Variants in PHLDA1 observed in about 807,000 individuals in gnomAD.
PHLDA1 encodes the protein pleckstrin homology-like domain family A member 1.
A neutral mutation model predicts 33.8 loss-of-function variants in PHLDA1; 28 were observed. The observed-to-expected ratio is 0.83, with a 90% CI of 0.61 to 1.14. PHLDA1 has a LOEUF of 1.14. PHLDA1 is among the 50% of genes most tolerant of loss of function. The probability of loss-of-function intolerance (pLI) is 0.00; values close to 1 mark genes in which losing one functional copy is unlikely to be tolerated. For synonymous variants in PHLDA1, 271 were observed against 243.6 expected (o/e 1.11, Z -1.05); for missense variants, 595 against 548.6 (o/e 1.08, Z -0.84).
exon 2 of PHLDA1, chr12:76,028,994 T>A (rs1344564892): frequency 6.6e-6 from 1 of 151,628 alleles, no homozygotes; most frequent in Non-Finnish European, 1.5e-5. Flanking sequence ...AAACAGTTGG[T>A]TTCTCTGATC....
At chr12:76,029,123 G>A (rs554140128) in exon 2 of PHLDA1, 6 of 152,344 alleles carry the variant, frequency 3.9e-5, no homozygotes, top group African/African-American at 1.2e-4. Context: ...AAAGGGATCA[G>A]AAAATGTGGT....
chr12:76,031,410 T>A lies in PHLDA1; in HGVS notation c.332A>T (p.Glu111Val). 1 of 1,577,314 alleles carries A rather than the reference T, an allele frequency of 6.3e-7. No individual in the cohort carries two copies. Among genetic ancestry groups the A allele is most frequent in the East Asian group, 2.3e-5 (1 of 43,352 alleles). Residue 111 changes from glutamate to valine, a missense_variant, in exon 1 of 2, where the codon GAG (glutamate) becomes GTG (valine). By Grantham distance (121) the Glu-to-Val change is moderately radical. Coordinates refer to ENST00000266671, the Ensembl canonical transcript of PHLDA1. The surrounding 1 kb of genome is among the most constrained non-coding windows in gnomAD (Gnocchi z 5.4). Reference sequence around the variant, plus strand: ...CAGCAGCAGCAGCCTCGCGCCGTCCTCGCCCCAGCGGCTCCCACGGCCGCC... The same window carrying A: ...CAGCAGCAGCAGCCTCGCGCCGTCCACGCCCCAGCGGCTCCCACGGCCGCC...
At chr12:76,027,989 T>TTA (rs906548799) in exon 2 of PHLDA1, 4 of 151,630 alleles carry the variant, frequency 2.6e-5, no homozygotes, top group African/African-American at 9.7e-5. Flanking sequence ...TTTTTTTTTT[T>TTA]AGTACAAGAA....
At position 76,031,515 on chromosome 12, in the gene PHLDA1, C is replaced by T. The variant is rs955091260; in HGVS notation, c.227G>A (p.Arg76Gln). Residue 76 changes from arginine to glutamine, a missense_variant, in exon 1 of 2, where the codon CGG becomes CAG. By Grantham distance (43) the Arg-to-Gln change is conservative. This residue lies in a region of PHLDA1 where 263 missense variants were observed against 232.3 expected (regional missense o/e 1.13). Transcript: ENST00000266671. The surrounding 1 kb of genome is among the most constrained non-coding windows in gnomAD (Gnocchi z 5.4). Reference sequence around the variant, plus strand: ...CTCTGGGTCCCGGCAGAGGGACAGCCGCGTCCTGATGCGCCACAAGGTCCC... The same window carrying T: ...CTCTGGGTCCCGGCAGAGGGACAGCTGCGTCCTGATGCGCCACAAGGTCCC... 6.6e-7 allele frequency: 1 copy of T among 1,522,376 alleles called. No homozygotes were observed. Among genetic ancestry groups the T allele is most frequent in the Admixed American group, 2.1e-5 (1 of 47,096 alleles). The allele number at this position is 1,522,376 out of a possible 1,614,324, so 94.3% of individuals were successfully genotyped here. A position where few individuals can be genotyped will look rare whatever the true frequency, so the allele number is the denominator to read the frequency against.
At chr12:76,026,437 G>T (rs1484373118) in exon 2 of PHLDA1, 1 of 152,158 alleles carries the variant, frequency 6.6e-6, no homozygotes, top group Non-Finnish European at 1.5e-5. Flanking sequence ...TTTACTGTCA[G>T]ATATAAAATT....
At chr12:76,027,850 C>A (rs1349356832) in exon 2 of PHLDA1, 1 of 151,770 alleles carries the variant, frequency 6.6e-6, no homozygotes, top group Non-Finnish European at 1.5e-5. Context: ...AATCCAGCCA[C>A]CAAGAGGGAG....
chr12:76,025,536 GACATATTTAC>G (rs1322388074), exon 2 of PHLDA1: 3 of 152,130 alleles, frequency 2.0e-5, no homozygotes, highest in Non-Finnish European at 2.9e-5. Context: ...TCATCTAAGA[GACATATTTAC>G]ACAAGTTCTG....
At chr12:76,026,398 G>A (rs1038578252) in exon 2 of PHLDA1, 3 of 152,204 alleles carry the variant, frequency 2.0e-5, no homozygotes, top group Non-Finnish European at 4.4e-5. Flanking sequence ...AACAAGGGAT[G>A]TGTTTGAACT....
rs57875368 is a variant in PHLDA1 at position 76,031,157 on chromosome 12, TTGCTGC to T, written c.579_584del (p.Gln203_Gln204del). On this transcript the variant is annotated inframe_deletion, in exon 1 of 2. Coordinates refer to ENST00000266671, the Ensembl canonical transcript of PHLDA1. The surrounding 1 kb of genome is among the most constrained non-coding windows in gnomAD (Gnocchi z 5.4). ...GTTGTTGCTGCTGCTGCTGCTGCTG[TTGCTGC>T]TGCTGCTGCTGGTGTTGCAGCTGCT... 9.4e-6 allele frequency: 15 copies of T among 1,589,764 alleles called. No homozygotes were observed. In the East Asian group the frequency reaches 1.3e-4, roughly 14 times the overall value.
At chr12:76,030,991 A>T in exon 1 of PHLDA1, 1 of 1,613,828 alleles carries the variant, frequency 6.2e-7, no homozygotes, top group Non-Finnish European at 8.5e-7. Flanking sequence ...ACAGTGAAGT[A>T]CATGTACTTG....
chr12:76,029,051 T>C (rs1298284446), exon 2 of PHLDA1: 2 of 152,206 alleles, frequency 1.3e-5, no homozygotes, highest in Non-Finnish European at 2.9e-5. Flanking sequence ...CCTAGACCTT[T>C]GAAATATTTA....
chr12:76,027,917 C>T (rs138387727), exon 2 of PHLDA1: 46 of 151,516 alleles, frequency 3.0e-4, no homozygotes, highest in African/African-American at 8.7e-4. Context: ...AAGCTAACAA[C>T]ATACAAATGC....
In PHLDA1 at chr12:76,031,597, C is replaced by T. The variant is rs1329365463; in HGVS notation, c.145G>A (p.Val49Met). The stretch of plus-strand genomic sequence containing the variant: ...TCTTGCGAGCGCTCACTGAAGGGCA[C>T]TGGCCGGGCCCCCTCGCGGCGCTTT... Residue 49 changes from valine to methionine, a missense_variant, in exon 1 of 2, where the codon GTG becomes ATG. Around this residue, in one of 3 missense-constraint regions of PHLDA1, gnomAD observed 263 missense variants for 232.3 expected, o/e 1.13. Coordinates refer to ENST00000266671, the Ensembl canonical transcript of PHLDA1. This position sits in a 1 kb window ranked among gnomAD's most constrained non-coding sequence, Gnocchi z 5.4. The T allele has an allele frequency of 6.3e-7, 1 of 1,574,818 alleles. No homozygotes were observed.
chr12:76,028,713 A>G (rs1231019129), exon 2 of PHLDA1: 6 of 152,656 alleles, frequency 3.9e-5, no homozygotes, highest in African/African-American at 1.4e-4. Flanking sequence ...TGTATCATCT[A>G]TGGCTCCATT....
Position 76,031,052 on chromosome 12 carries a change from C to T in PHLDA1, c.690G>A (p.Lys230=). ...TCTTCATGTTGGAGAAGTGCAGTTCCTTGAGCTTGACCGGCGGCTCGAGGC... is the reference window on the plus strand; with the variant it reads ...TCTTCATGTTGGAGAAGTGCAGTTCTTTGAGCTTGACCGGCGGCTCGAGGC... Residue 230 remains lysine (K), a synonymous_variant, in exon 1 of 2, where the codon AAG becomes AAA. Coordinates refer to ENST00000266671, the Ensembl canonical transcript of PHLDA1. This position sits in a 1 kb window ranked among gnomAD's most constrained non-coding sequence, Gnocchi z 5.4. 6.2e-7 allele frequency: 1 copy of T among 1,611,190 alleles called. No individual in the cohort carries two copies. The highest frequency in any genetic ancestry group is 1.3e-5 in the African/African-American group (1 of 75,038).
In PHLDA1 at chr12:76,031,347, G is replaced by T; in HGVS notation, c.395C>A (p.Pro132Gln). ...CCCAGCATAAGAGGGGCCGCCGCTT[G>T]GCTCGGCCTCTCCGTTTCCAGCCGC... Residue 132 changes from proline to glutamine, a missense_variant, in exon 1 of 2, where the codon CCA becomes CAA. Physicochemically the swap from Pro to Gln is moderately conservative, Grantham distance 76. Transcript: ENST00000266671. This position sits in a 1 kb window ranked among gnomAD's most constrained non-coding sequence, Gnocchi z 5.4. The T allele has an allele frequency of 6.2e-7, 1 of 1,611,958 alleles. No individual in the cohort carries two copies. The highest frequency in any genetic ancestry group is 8.5e-7 in the Non-Finnish European group (1 of 1,179,478).
intron 1 of PHLDA1, 59 bp downstream of exon 1, chr12:76,030,448 ACTC>A (rs1663764317): frequency 5.4e-6 from 7 of 1,297,920 alleles, no homozygotes; most frequent in Non-Finnish European, 6.5e-6. Context: ...CAAGCTTCCT[ACTC>A]CTCCCAACTC....
At chr12:76,028,581 C>T (rs138787839) in exon 2 of PHLDA1, 1 of 152,470 alleles carries the variant, frequency 6.6e-6, no homozygotes, top group African/African-American at 2.4e-5. Flanking sequence ...TAATACTGAC[C>T]GTTTCAATTT....
At chr12:76,030,671 A>G in exon 1 of PHLDA1, 1 of 1,188,160 alleles carries the variant, frequency 8.4e-7, no homozygotes, top group Non-Finnish European at 1.2e-6. Context: ...GAGAGTGTGG[A>G]TGTGGATGTG....
Sources: allele counts gnomAD v4.1 joint callset, GRCh38; gene constraint gnomAD v4.1.1; regional missense constraint gnomAD v4.1.1; non-coding constraint Gnocchi (gnomAD v3.1); transcripts MANE v1.5; gene names NCBI Gene and HGNC (gene_info 2026-07-23, HGNC 2026-07-21).